The following FAM114A1 variants were observed in gnomAD, a reference collection of about 807,000 sequenced individuals.
FAM114A1 encodes family with sequence similarity 114 member A1.
In FAM114A1, 62 loss-of-function variants were observed where a neutral mutation model predicts 64.3. The observed-to-expected ratio is 0.96, with a 90% CI of 0.79 to 1.19. The LOEUF is 1.19. FAM114A1 is among the 50% of genes most tolerant of loss of function. FAM114A1 has a pLI of 0.00. For synonymous variants in FAM114A1, 254 were observed against 251.1 expected, an observed-to-expected ratio of 1.01 and a Z score of -0.11; for missense variants, 645 against 676.3, an observed-to-expected ratio of 0.95 and a Z score of 0.51.
chr4:38,939,189 C>T (rs866118383), intron 13 of FAM114A1, among the ~76,000 whole-genome samples: 1 of 152,224 alleles, frequency 6.6e-6, no homozygotes, highest in Non-Finnish European at 1.5e-5. Context: ...TATATGTACA[C>T]ACATACACAT....
At chr4:38,894,719 G>C (rs1356466593) in intron 4 of FAM114A1, among the ~76,000 whole-genome samples, 2 of 152,182 alleles carry the variant, frequency 1.3e-5, no homozygotes, top group Non-Finnish European at 2.9e-5. Context: ...GTTTCTCTGA[G>C]AGTGTATGAC....
chr4:38,885,041 C>T (rs1715661966), intron 3 of FAM114A1, among the ~76,000 whole-genome samples: 1 of 152,152 alleles, frequency 6.6e-6, no homozygotes, highest in South Asian at 2.1e-4. Context: ...GTGGCATGAT[C>T]TCGGCTCACT....
chr4:38,906,314 C>T (rs1315138342), intron 6 of FAM114A1, among the ~76,000 whole-genome samples: 1 of 152,122 alleles, frequency 6.6e-6, no homozygotes, highest in Non-Finnish European at 1.5e-5. Context: ...TGAAGTGTTT[C>T]CAGAGACCAG....
chr4:38,915,067 A>C lies in FAM114A1; in HGVS notation c.939A>C (p.Glu313Asp), dbSNP rs1317589652. The stretch of plus-strand genomic sequence containing the variant: ...TGGAAATTCTGTCCAATGAAAGCGA[A>C]AGCAAGGTACTTCTGCACTACTCGT... ...EALEILSNES[E>D]SKVQSFLASL... Residue 313 changes from glutamate (E) to aspartate (D), a missense_variant, in exon 8 of 15, where the codon GAA (glutamate) becomes GAC (aspartate). Physicochemically the swap from Glu to Asp is conservative, Grantham distance 45 (BLOSUM62 2). Transcript: ENST00000358869. 2 of 1,614,092 alleles carry C rather than the reference A, an allele frequency of 1.2e-6. No homozygotes were observed. The highest frequency in any genetic ancestry group is 3.3e-5 in the Admixed American group (2 of 60,000).
At chr4:38,931,713 G>T in intron 11 of FAM114A1, 101 bp downstream of exon 11, 1 of 1,263,760 alleles carries the variant, frequency 7.9e-7, no homozygotes, top group African/African-American at 1.5e-5. Flanking sequence ...TTTTTCATTT[G>T]TTCCGTGTTA....
At chr4:38,883,104 G>A (rs902806060) in intron 3 of FAM114A1, among the ~76,000 whole-genome samples, 1 of 152,184 alleles carries the variant, frequency 6.6e-6, no homozygotes, top group African/African-American at 2.4e-5. Context: ...ATTGGAGGTT[G>A]GACCGGATTC....
intron 2 of FAM114A1, among the ~76,000 whole-genome samples, chr4:38,877,152 GT>G (rs1312997168): frequency 6.6e-6 from 1 of 152,192 alleles, no homozygotes; most frequent in African/African-American, 2.4e-5. Context: ...CCAGGAACTA[GT>G]TTTGTGGAAG....
chr4:38,893,670 G>A (rs1716615315), intron 4 of FAM114A1, among the ~76,000 whole-genome samples: 2 of 152,112 alleles, frequency 1.3e-5, no homozygotes, highest in East Asian at 3.9e-4. Context: ...GGGCTTTGTT[G>A]GACCCTCCCA....
chr4:38,878,937 T>A (rs1470041810), intron 3 of FAM114A1, among the ~76,000 whole-genome samples: 1 of 152,208 alleles, frequency 6.6e-6, no homozygotes, highest in Non-Finnish European at 1.5e-5. Flanking sequence ...ATAGTGGAGA[T>A]CTTCAGCCTT....
chr4:38,898,454 G>A (rs988286528), intron 4 of FAM114A1, among the ~76,000 whole-genome samples: 7 of 152,148 alleles, frequency 4.6e-5, no homozygotes, highest in East Asian at 1.9e-4. Context: ...AATCATCACC[G>A]TATAAATCAC....
chr4:38,900,805 G>A (rs934010257), intron 4 of FAM114A1, among the ~76,000 whole-genome samples: 6 of 152,136 alleles, frequency 3.9e-5, no homozygotes, highest in Admixed American at 6.6e-5. Context: ...TGGGTATAGA[G>A]TTTCTATTTT....
At chr4:38,923,278 C>T (rs1383330007) in intron 9 of FAM114A1, among the ~76,000 whole-genome samples, 2 of 141,108 alleles carry the variant, frequency 1.4e-5, no homozygotes, top group Non-Finnish European at 3.0e-5. Context: ...GGCTGGAGTG[C>T]AGTGGCGTGA....
At chr4:38,922,922 C>T in intron 9 of FAM114A1, 29 bp downstream of exon 9, 4 of 1,593,600 alleles carry the variant, frequency 2.5e-6, no homozygotes, top group Non-Finnish European at 3.4e-6. Context: ...AATAGCAAGA[C>T]AAACTGTTGG....
At chr4:38,922,317 A>G (rs1719678996) in intron 8 of FAM114A1, among the ~76,000 whole-genome samples, 1 of 152,208 alleles carries the variant, frequency 6.6e-6, no homozygotes, top group African/African-American at 2.4e-5. Flanking sequence ...CCTCAAAACA[A>G]CCTTATAAGG....
chr4:38,877,133 T>C lies in FAM114A1; in HGVS notation c.-8-938T>C, dbSNP rs1579291208. Among the ~76,000 whole-genome samples, 4 of 152,296 alleles carry C rather than the reference T, an allele frequency of 2.6e-5. No individual in the cohort carries two copies. The South Asian group carries it at 8.3e-4, about 32-fold the overall frequency. ...TTCATTATTCCAGCAGTCCCCAACC[T>C]TTTTGGCACCAGGAACTAGTTTTGT... is the stretch of plus-strand genomic sequence containing the variant. On this transcript the variant is annotated intron_variant, in intron 2 of 14. Transcript: ENST00000358869.
intron 10 of FAM114A1, among the ~76,000 whole-genome samples, chr4:38,929,654 G>A (rs554108241): frequency 5.3e-5 from 8 of 152,314 alleles, no homozygotes; most frequent in Non-Finnish European, 1.2e-4. Context: ...GCGCATGCCT[G>A]TAATCCCAGC....
chr4:38,917,949 A>G (rs11930832), intron 8 of FAM114A1, among the ~76,000 whole-genome samples: 78,825 of 151,614 alleles, frequency 0.52, 22,995 homozygotes, highest in African/African-American at 0.79. Flanking sequence ...AGGCGCGGTG[A>G]CTCACGCCTG....
intron 9 of FAM114A1, 126 bp downstream of exon 9, chr4:38,923,019 CTG>C (rs1719756713): frequency 8.3e-6 from 9 of 1,078,506 alleles, no homozygotes; most frequent in Admixed American, 3.1e-5. Flanking sequence ...CCAAAAGACA[CTG>C]TGCATCTGCT....
chr4:38,885,575 C>T (rs1715719197), intron 3 of FAM114A1, among the ~76,000 whole-genome samples: 1 of 152,184 alleles, frequency 6.6e-6, no homozygotes, highest in Non-Finnish European at 1.5e-5. Context: ...CCGAAGCCAG[C>T]TCCTTGAATA....
Sources: gnomAD v4.1 joint callset for allele counts (sites outside exome capture counted in the v4.1 genomes callset) on GRCh38, gnomAD v4.1.1 for gene constraint, MANE v1.5 for transcripts, NCBI Gene and HGNC (gene_info 2026-07-23, HGNC 2026-07-21) for gene names.